Variants in FAM171A2 observed in about 807,000 individuals in gnomAD.
FAM171A2 encodes protein FAM171A2.
Under a neutral mutation model 34.2 loss-of-function variants are expected in FAM171A2, and 13 were observed. The observed-to-expected ratio is 0.38, with a 90% CI of 0.25 to 0.60. The LOEUF is 0.60. Among genes scored for constraint, FAM171A2 ranks in the 20% least tolerant of loss-of-function variants. The probability of loss-of-function intolerance (pLI) is 0.62; values close to 1 mark genes in which losing one functional copy is unlikely to be tolerated. For missense variants in FAM171A2, 950 were observed against 1,180.7 expected (o/e 0.80, Z 2.86); for synonymous variants, 475 against 561.2 (o/e 0.85, Z 2.17).
chr17:44,356,598 AAG>A lies in FAM171A2; in HGVS notation c.440-12_440-11del. 6.5e-7 allele frequency: 1 copy of A among 1,536,262 alleles called. No individual in the cohort carries two copies. ...GGCTGGGAGCGGGCACCTGGAGGGA[AAG>A]AGGGGCTGCAGTGGCTTGACCATGG... On this transcript the variant is annotated splice_polypyrimidine_tract_variant and intron_variant, in intron 3 of 7. Coordinates refer to ENST00000293443, the MANE Select transcript of FAM171A2 (RefSeq NM_198475.3).
chr17:44,359,221 C>A (rs1220094931), intron 3 of FAM171A2: 1 of 229,378 alleles, frequency 4.4e-6, no homozygotes, highest in Non-Finnish European at 8.6e-6. Context: ...TTGCTCTGGG[C>A]CTTGCACTTC....
intron 3 of FAM171A2, 135 bp from the exon 4 acceptor site, chr17:44,356,723 G>A: frequency 1.0e-6 from 1 of 977,606 alleles, no homozygotes; most frequent in South Asian, 1.8e-5. Context: ...GTGATGCCTT[G>A]GGGAGAAAGC....
chr17:44,363,747 G>T lies in FAM171A2; in HGVS notation c.-33C>A, dbSNP rs1418431047. 3 of 1,056,672 alleles carry T rather than the reference G, an allele frequency of 2.8e-6. No individual in the cohort carries two copies. The highest frequency in any genetic ancestry group is 7.2e-5 in the East Asian group (2 of 27,634). 65.5% of individuals were successfully genotyped at this position (1,056,672 alleles called of 1,614,324 possible). ...CTAGGCCGGGCCCTAGCGGTCCATG[G>T]CTCCCGCCTGGTCCCGCTCGCCCGG... On this transcript the variant is annotated 5_prime_UTR_variant, in exon 1 of 8. Transcript: ENST00000293443.
In FAM171A2 at chr17:44,354,463, G is replaced by A. The variant is rs960547205; in HGVS notation, c.1751C>T (p.Pro584Leu). 11 of 1,083,644 alleles carry A rather than the reference G, an allele frequency of 1.0e-5. No homozygotes were observed. Among genetic ancestry groups the A allele is most frequent in the African/African-American group, 8.5e-5 (5 of 59,132 alleles). 67.1% of individuals were successfully genotyped at this position (1,083,644 alleles called of 1,614,324 possible). ...CGGGCCCGAGTGGCCCGGCATCTGC[G>A]GGCGCTGGGGGTCGGGCTGGGGAAA... ...RAFPQPDPQR[P>L]QMPGHSGPGG... The change falls in exon 8 of 8, where the codon CCG becomes CTG. Residue 584 changes from proline (P) to leucine (L), a missense_variant. Physicochemically the swap from Pro to Leu is moderately conservative, Grantham distance 98. Around this residue, in one of 3 missense-constraint regions of FAM171A2, gnomAD observed 752 missense variants for 924.5 expected, o/e 0.81. Coordinates refer to ENST00000293443, the MANE Select transcript of FAM171A2 (RefSeq NM_198475.3). This position sits in a 1 kb window ranked among gnomAD's most constrained non-coding sequence, Gnocchi z 5.8.
intron 3 of FAM171A2, among the ~76,000 whole-genome samples, chr17:44,357,324 G>C (rs565719708): frequency 3.8e-4 from 56 of 146,560 alleles, no homozygotes; most frequent in African/African-American, 1.4e-3. Flanking sequence ...TCCTGTCTGG[G>C]CATCAAGAGC....
rs937569804 is a variant in FAM171A2 at position 44,354,928 on chromosome 17, T to C, written c.1286A>G (p.Glu429Gly). ...KPRSASRPAA[E>G]PSGARGGESA... is the part of the protein sequence containing the mutation. ...CTCGCCCCCGCGGGCACCCGAAGGC[T>C]CGGCGGCCGGGCGGCTGGCAGAGCG... Residue 429 changes from glutamate to glycine, a missense_variant, in exon 8 of 8, where the codon GAG becomes GGG. Physicochemically the swap from Glu to Gly is moderately conservative, Grantham distance 98. Coordinates refer to ENST00000293443, the MANE Select transcript of FAM171A2 (RefSeq NM_198475.3). This position sits in a 1 kb window ranked among gnomAD's most constrained non-coding sequence, Gnocchi z 5.8. 7.0e-7 allele frequency: 1 copy of C among 1,419,876 alleles called. No individual in the cohort carries two copies. Among genetic ancestry groups the C allele is most frequent in the Non-Finnish European group, 9.2e-7 (1 of 1,090,616 alleles). 88.0% of individuals were successfully genotyped at this position (1,419,876 alleles called of 1,614,324 possible). A position where few individuals can be genotyped will look rare whatever the true frequency, so the allele number is the denominator to read the frequency against.
rs1200248437 is a variant in FAM171A2 at position 44,363,608 on chromosome 17, G to C, written c.107C>G (p.Pro36Arg). Residue 36 changes from proline to arginine, a missense_variant, in exon 1 of 8, where the codon CCC becomes CGC. Physicochemically the swap from Pro to Arg is moderately radical, Grantham distance 103. Around this residue, in one of 3 missense-constraint regions of FAM171A2, gnomAD observed 752 missense variants for 924.5 expected, o/e 0.81. Coordinates refer to ENST00000293443, the MANE Select transcript of FAM171A2 (RefSeq NM_198475.3). ...CGGCTGAGACTCACCCTGCGGGCTG[G>C]GGGGCTCCGGCGGCGACTTGCCGGG... ...RAPGKSPPEP[P>R]SPQEILIKVQ... The C allele has an allele frequency of 2.4e-6, 3 of 1,228,216 alleles. No homozygotes were observed. The highest frequency in any genetic ancestry group is 8.5e-5 in the Admixed American group (2 of 23,490). The allele number at this position is 1,228,216 out of a possible 1,614,324, so 76.1% of individuals were successfully genotyped here.
At chr17:44,357,115 A>G (rs2048427501) in intron 3 of FAM171A2, among the ~76,000 whole-genome samples, 1 of 152,170 alleles carries the variant, frequency 6.6e-6, no homozygotes, top group African/African-American at 2.4e-5. Context: ...TGGGAAGCCA[A>G]GGTGGGTGGA....
chr17:44,359,921 A>C lies in FAM171A2; in HGVS notation c.330T>G (p.Arg110=). 6.5e-7 allele frequency: 1 copy of C among 1,540,498 alleles called. No homozygotes were observed. ...PGFLTNSVPW[R]VDKLPLYASV... is the part of the protein sequence containing the mutation. ...TGCACTCACAGGGCAGCTTGTCAAC[A>C]CGCCAGGGCACAGAGTTGGTGAGGA... The change falls in exon 2 of 8, where the codon CGT becomes CGG. Residue 110 remains arginine, a synonymous_variant. Coordinates refer to ENST00000293443, the MANE Select transcript of FAM171A2 (RefSeq NM_198475.3).
At chr17:44,357,532 A>G (rs1005068363) in intron 3 of FAM171A2, among the ~76,000 whole-genome samples, 1 of 152,022 alleles carries the variant, frequency 6.6e-6, no homozygotes, top group African/African-American at 2.4e-5. Flanking sequence ...CTGTAATCCC[A>G]GCTACTCGGG....
In FAM171A2 at chr17:44,363,610, G is replaced by A; in HGVS notation, c.105C>T (p.Pro35=). ...SRAPGKSPPE[P]PSPQEILIKV... is the part of the protein sequence containing the mutation. ...GCTGAGACTCACCCTGCGGGCTGGG[G>A]GGCTCCGGCGGCGACTTGCCGGGAG... Residue 35 remains proline (P), a synonymous_variant, in exon 1 of 8, where the codon CCC becomes CCT. Coordinates refer to ENST00000293443, the MANE Select transcript of FAM171A2 (RefSeq NM_198475.3). 8.1e-7 allele frequency: 1 copy of A among 1,228,884 alleles called. No individual in the cohort carries two copies. The highest frequency in any genetic ancestry group is 1.0e-6 in the Non-Finnish European group (1 of 985,122). The allele number at this position is 1,228,884 out of a possible 1,614,324, so 76.1% of individuals were successfully genotyped here.
In FAM171A2 at chr17:44,353,620, C is replaced by A; in HGVS notation, c.*113G>T. ...CGGAACAGCTCCAAGGCCCCTGGGC[C>A]CCTCTCCGGCCTGGGGCTGGGAGCT... On this transcript the variant is annotated 3_prime_UTR_variant, in exon 8 of 8. Transcript: ENST00000293443. The A allele has an allele frequency of 1.2e-6, 1 of 807,298 alleles. No homozygotes were observed. Among genetic ancestry groups the A allele is most frequent in the Non-Finnish European group, 1.6e-6 (1 of 617,998 alleles). The allele number at this position is 807,298 out of a possible 1,614,324, so 50.0% of individuals were successfully genotyped here.
At position 44,353,800 on chromosome 17, in the gene FAM171A2, G is replaced by A. The variant is rs2048403535; in HGVS notation, c.2414C>T (p.Ala805Val). ...DELGAEVGDEAGDKKSPWQRR... is the reference protein window; with the variant it reads ...DELGAEVGDEVGDKKSPWQRR... ...CTGCCACGGGCTCTTCTTGTCTCCCGCCTCGTCGCCCACCTCCGCCCCCAG... is the reference window on the plus strand; with the variant it reads ...CTGCCACGGGCTCTTCTTGTCTCCCACCTCGTCGCCCACCTCCGCCCCCAG... Residue 805 changes from alanine (A) to valine (V), a missense_variant, in exon 8 of 8, where the codon GCG (alanine) becomes GTG (valine). Physicochemically the swap from Ala to Val is moderately conservative, Grantham distance 64 (BLOSUM62 0). Transcript: ENST00000293443. The A allele has an allele frequency of 3.5e-6, 5 of 1,433,616 alleles. No individual in the cohort carries two copies. Among genetic ancestry groups the A allele is most frequent in the East Asian group, 3.2e-5 (1 of 31,450 alleles). The allele number at this position is 1,433,616 out of a possible 1,614,324, so 88.8% of individuals were successfully genotyped here.
Position 44,356,209 on chromosome 17 carries a change from T to A in FAM171A2, c.742A>T (p.Thr248Ser). 6.5e-7 allele frequency: 1 copy of A among 1,549,970 alleles called. No homozygotes were observed. The highest frequency in any genetic ancestry group is 8.7e-7 in the Non-Finnish European group (1 of 1,145,882). The change falls in exon 5 of 8, where the codon ACC (threonine) becomes TCC (serine). Residue 248 changes from threonine (T) to serine (S), a missense_variant. Physicochemically the swap from Thr to Ser is moderately conservative, Grantham distance 58. This residue lies in a region of FAM171A2 where 752 missense variants were observed against 924.5 expected (regional missense o/e 0.81). Coordinates refer to ENST00000293443, the MANE Select transcript of FAM171A2 (RefSeq NM_198475.3). ...TCAAATCTCCAGGCTGGAATGCTGG[T>A]GCCCACGGTGAGGGCACGAGTCTCG... Reference protein sequence around the residue: ...PSETRALTVGTSIPAWRFDPK... With the variant: ...PSETRALTVGSSIPAWRFDPK...
rs2143369475 is a variant in FAM171A2 at position 44,355,718 on chromosome 17, C to G, written c.1019G>C (p.Cys340Ser). Residue 340 changes from cysteine (C) to serine (S), a missense_variant, in exon 7 of 8, where the codon TGC (cysteine) becomes TCC (serine). Cys to Ser is a moderately radical substitution (Grantham distance 112). This residue lies in a region of FAM171A2 where 752 missense variants were observed against 924.5 expected (regional missense o/e 0.81). Coordinates refer to ENST00000293443, the MANE Select transcript of FAM171A2 (RefSeq NM_198475.3). This position sits in a 1 kb window ranked among gnomAD's most constrained non-coding sequence, Gnocchi z 4.1. The stretch of plus-strand genomic sequence containing the variant: ...GTGAGGGAAGCCCCGTGCTCACCGG[C>G]AGTAGTAGATGAGCAGACACAGCAG... The part of the protein sequence containing the change: ...LILLCLLIYY[C>S]RRRCLKPRQQ... 6.4e-7 allele frequency: 1 copy of G among 1,551,640 alleles called. No homozygotes were observed. Among genetic ancestry groups the G allele is most frequent in the East Asian group, 2.4e-5 (1 of 40,928 alleles).
In FAM171A2 at chr17:44,355,674, G is replaced by C. The variant is rs1347899464; in HGVS notation, c.1022+41C>G. 2 of 1,549,842 alleles carry C rather than the reference G, an allele frequency of 1.3e-6. No homozygotes were observed. The highest frequency in any genetic ancestry group is 2.4e-5 in the East Asian group (1 of 40,878). On this transcript the variant is annotated intron_variant, in intron 7 of 7. Transcript: ENST00000293443. This position sits in a 1 kb window ranked among gnomAD's most constrained non-coding sequence, Gnocchi z 4.1. ...ATGCATCTTTGGGGCCCCAGGGCCC[G>C]GTACAAGTGCAGGGGAGGGTGAGGG...
Position 44,356,264 on chromosome 17 carries a change from G to T in FAM171A2, c.687C>A (p.Gly229=), listed in dbSNP as rs1196650192. The change falls in exon 5 of 8, where the codon GGC becomes GGA. Residue 229 remains glycine, a synonymous_variant. Transcript: ENST00000293443. ...GCACGGGCAGGGACAGGTGAATGGG[G>T]CCTGAGAGCGGCACCTCTGTCCCAT... The part of the protein sequence containing the change: ...TGNGTEVPLS[G]PIHLSLPVPS... 1 of 1,551,430 alleles carries T rather than the reference G, an allele frequency of 6.4e-7. No homozygotes were observed. The highest frequency in any genetic ancestry group is 1.2e-5 in the South Asian group (1 of 84,054).
chr17:44,353,862 C>G lies in FAM171A2; in HGVS notation c.2352G>C (p.Glu784Asp). 1 of 1,375,344 alleles carries G rather than the reference C, an allele frequency of 7.3e-7. No individual in the cohort carries two copies. Among genetic ancestry groups the G allele is most frequent in the South Asian group, 1.5e-5 (1 of 64,824 alleles). 85.2% of individuals were successfully genotyped at this position (1,375,344 alleles called of 1,614,324 possible). The part of the protein sequence containing the change: ...RGDSSRSSAS[E>D]LRRDSLTSPE... ...GGCTGGTGAGCGAGTCGCGCCGCAGCTCGCTGGCGCTGCTGCGGGAGCTGT... is the reference window on the plus strand; with the variant it reads ...GGCTGGTGAGCGAGTCGCGCCGCAGGTCGCTGGCGCTGCTGCGGGAGCTGT... The change falls in exon 8 of 8, where the codon GAG (glutamate) becomes GAC (aspartate). Residue 784 changes from glutamate to aspartate, a missense_variant. This residue lies in a region of FAM171A2 where 191 missense variants were observed against 222.8 expected (regional missense o/e 0.86). Coordinates refer to ENST00000293443, the MANE Select transcript of FAM171A2 (RefSeq NM_198475.3).
chr17:44,355,379 C>G lies in FAM171A2; in HGVS notation c.1023-188G>C, dbSNP rs1413399678. 6.6e-6 allele frequency among the ~76,000 whole-genome samples: 1 copy of G among 152,268 alleles called. No individual in the cohort carries two copies. Among genetic ancestry groups the G allele is most frequent in the Non-Finnish European group, 1.5e-5 (1 of 68,042 alleles). ...CGATCCCCTCAGGGTCAACTCTGCA[C>G]TCCTCTGCATGTAGGATGTGCTGCG... On this transcript the variant is annotated intron_variant, in intron 7 of 7. Transcript: ENST00000293443. The surrounding 1 kb of genome is among the most constrained non-coding windows in gnomAD (Gnocchi z 4.1).
Sources: gnomAD v4.1 joint callset for allele counts (sites outside exome capture counted in the v4.1 genomes callset) on GRCh38, gnomAD v4.1.1 for gene constraint, gnomAD v4.1.1 regional missense constraint, Gnocchi (gnomAD v3.1) non-coding constraint, MANE v1.5 for transcripts, NCBI Gene and HGNC (gene_info 2026-07-23, HGNC 2026-07-21) for gene names.